Variants in PIK3R5 observed in about 807,000 individuals in gnomAD.
The protein encoded by PIK3R5 is phosphoinositide 3-kinase regulatory subunit 5.
A neutral mutation model predicts 94.9 loss-of-function variants in PIK3R5; 32 were observed. That is an observed-to-expected ratio of 0.34 (90% confidence interval 0.25 to 0.45). The LOEUF (loss-of-function observed/expected upper bound fraction) is 0.45, where lower values mean the gene tolerates loss of function less well. PIK3R5 is among the 20% of genes least tolerant of loss of function. The probability of loss-of-function intolerance (pLI) is 1.00; values close to 1 mark genes in which losing one functional copy is unlikely to be tolerated. For synonymous variants in PIK3R5, 443 were observed against 479.4 expected, an observed-to-expected ratio of 0.92 and a Z score of 0.99; for missense variants, 853 against 1,144.6, an observed-to-expected ratio of 0.75 and a Z score of 3.68.
At chr17:8,900,429 C>T (rs1300138320) in intron 5 of PIK3R5, among the ~76,000 whole-genome samples, 7 of 152,182 alleles carry the variant, frequency 4.6e-5, no homozygotes, top group Admixed American at 4.6e-4. Flanking sequence ...AAATGATTCC[C>T]CGAAACGAGG....
intron 2 of PIK3R5, among the ~76,000 whole-genome samples, chr17:8,910,149 ATG>A (rs1039360801): frequency 1.3e-5 from 2 of 152,232 alleles, no homozygotes; most frequent in Middle Eastern, 3.4e-3. Flanking sequence ...GGCTGTGTGT[ATG>A]TGTGTGTGGA....
intron 15 of PIK3R5, among the ~76,000 whole-genome samples, chr17:8,883,170 C>T (rs2089722074): frequency 6.6e-6 from 1 of 152,184 alleles, no homozygotes; most frequent in East Asian, 1.9e-4. Flanking sequence ...GAGTTCGAGA[C>T]CAGCCTGGCC....
rs868352823 is a variant in PIK3R5, at chr17:8,885,886, C to G, written c.2128+343G>C. On this transcript the variant is annotated intron_variant, in intron 14 of 18. Transcript: ENST00000447110. ...TCCGCCTCCCCATGGCCCTGCCTCC[C>G]GGTAACCCTGCCTCCCCAAGGCCCC... Among the ~76,000 whole-genome samples the G allele has an allele frequency of 1.1e-4, 11 of 104,554 alleles. 1 individual carries two copies. The highest frequency in any genetic ancestry group is 2.2e-4 in the African/African-American group (5 of 22,662). The allele number at this position is 104,554 out of a possible 152,430, so 68.6% of individuals were successfully genotyped here. A position where few individuals can be genotyped will look rare whatever the true frequency, so the allele number is the denominator to read the frequency against.
chr17:8,942,439 A>G (rs2091198792), intron 1 of PIK3R5, among the ~76,000 whole-genome samples: 1 of 151,248 alleles, frequency 6.6e-6, no homozygotes, highest in South Asian at 2.1e-4. Context: ...CACCTCACCC[A>G]TGCCACAACC....
rs528910446 is a variant in PIK3R5 at position 8,882,773 on chromosome 17, T to C, written c.2206-892A>G. ...GGAGTGACTCCAGGAGTCTGGCCTC[T>C]CCTTTCCTAACCCATCCATGGGCCC... is the stretch of plus-strand genomic sequence containing the variant. On this transcript the variant is annotated intron_variant, in intron 15 of 18. Coordinates refer to ENST00000447110, the MANE Select transcript of PIK3R5 (RefSeq NM_001142633.3). The surrounding 1 kb of genome is among the most constrained non-coding windows in gnomAD (Gnocchi z 4.1). 2.4e-4 allele frequency among the ~76,000 whole-genome samples: 37 copies of C among 152,060 alleles called. No individual in the cohort carries two copies. The highest frequency in any genetic ancestry group is 1.8e-3 in the Admixed American group (27 of 15,290).
chr17:8,897,929 A>G (rs980572205), intron 5 of PIK3R5, among the ~76,000 whole-genome samples: 5 of 151,386 alleles, frequency 3.3e-5, no homozygotes, highest in African/African-American at 7.3e-5. Context: ...GTGTGTGTGT[A>G]TGTGTGTGTG....
At chr17:8,915,441 C>A (rs1274222720) in intron 1 of PIK3R5, among the ~76,000 whole-genome samples, 1 of 151,322 alleles carries the variant, frequency 6.6e-6, no homozygotes, top group African/African-American at 2.4e-5. Context: ...AAAATCTAGA[C>A]TCTCAGTTGC....
intron 11 of PIK3R5, 69 bp downstream of exon 11, chr17:8,887,452 T>A: frequency 6.6e-7 from 1 of 1,507,516 alleles, no homozygotes; most frequent in Non-Finnish European, 9.0e-7. Flanking sequence ...TTCCATGACT[T>A]CCAATCGGCT....
intron 1 of PIK3R5, among the ~76,000 whole-genome samples, chr17:8,953,654 C>A (rs2091417715): frequency 6.6e-6 from 1 of 152,200 alleles, no homozygotes; most frequent in Admixed American, 6.5e-5. Context: ...TAAGAGTGAG[C>A]CCCATCTTTT....
chr17:8,957,458 A>G (rs1487899053), intron 1 of PIK3R5, among the ~76,000 whole-genome samples: 2 of 152,202 alleles, frequency 1.3e-5, no homozygotes, highest in African/African-American at 4.8e-5. Flanking sequence ...GACAGATACT[A>G]CTTCTCCTCT....
Position 8,890,588 on chromosome 17 carries a change from T to C in PIK3R5, c.657+150A>G, listed in dbSNP as rs365024. On this transcript the variant is annotated intron_variant, in intron 7 of 18. Coordinates refer to ENST00000447110, the MANE Select transcript of PIK3R5 (RefSeq NM_001142633.3). The surrounding 1 kb of genome is among the most constrained non-coding windows in gnomAD (Gnocchi z 6.1). ...TCCAGCACACCAGAAACACCCTCTATGAGGTCAGCCCTCCAGCCACCACCC... is the reference window on the plus strand; with the variant it reads ...TCCAGCACACCAGAAACACCCTCTACGAGGTCAGCCCTCCAGCCACCACCC... 0.42 allele frequency: 291,081 copies of C among 694,942 alleles called. 64,498 individuals carry two copies. The highest frequency in any genetic ancestry group is 0.66 in the African/African-American group (37,030 of 55,694). 43.0% of individuals were successfully genotyped at this position (694,942 alleles called of 1,614,324 possible).
intron 1 of PIK3R5, among the ~76,000 whole-genome samples, chr17:8,922,063 T>A (rs931317206): frequency 6.7e-6 from 1 of 148,966 alleles, no homozygotes; most frequent in African/African-American, 2.5e-5. Context: ...AACTCCTGTA[T>A]AACTCAACAA....
chr17:8,921,301 T>C (rs572643868), intron 1 of PIK3R5, among the ~76,000 whole-genome samples: 37 of 152,362 alleles, frequency 2.4e-4, no homozygotes, highest in African/African-American at 8.9e-4. Flanking sequence ...TTCCTACTTA[T>C]AAGTCCTTTA....
chr17:8,950,885 A>G (rs1567671723), intron 1 of PIK3R5, among the ~76,000 whole-genome samples: 2 of 152,198 alleles, frequency 1.3e-5, no homozygotes, highest in Non-Finnish European at 2.9e-5. Flanking sequence ...ACTGCTTTCT[A>G]TAGTGGTTGA....
chr17:8,883,582 T>A (rs914809691), intron 15 of PIK3R5, among the ~76,000 whole-genome samples: 8 of 152,200 alleles, frequency 5.3e-5, no homozygotes, highest in Non-Finnish European at 1.0e-4. Context: ...GTGAGAGCAC[T>A]CACCTCTCTT....
chr17:8,896,528 C>A lies in PIK3R5; in HGVS notation c.413-2873G>T, dbSNP rs532849660. On this transcript the variant is annotated intron_variant, in intron 5 of 18. Transcript: ENST00000447110. The surrounding 1 kb of genome is among the most constrained non-coding windows in gnomAD (Gnocchi z 4.0). ...ATTGAGAGAAGTCACCCCATACAGG[C>A]GAAGAACGGGGTGAGTGGGCAGAAC... 6.6e-6 allele frequency among the ~76,000 whole-genome samples: 1 copy of A among 152,192 alleles called. No individual in the cohort carries two copies. The highest frequency in any genetic ancestry group is 1.5e-5 in the Non-Finnish European group (1 of 68,042).
intron 1 of PIK3R5, among the ~76,000 whole-genome samples, chr17:8,930,550 C>A (rs1212948863): frequency 6.6e-6 from 1 of 152,164 alleles, no homozygotes; most frequent in East Asian, 1.9e-4. Flanking sequence ...AACTTATGTT[C>A]ATACGAAAAC....
In PIK3R5 at chr17:8,911,069, G is replaced by C. The variant is rs1480290989; in HGVS notation, c.103+323C>G. 2.0e-5 allele frequency among the ~76,000 whole-genome samples: 3 copies of C among 152,208 alleles called. No homozygotes were observed. Among genetic ancestry groups the C allele is most frequent in the Non-Finnish European group, 2.9e-5 (2 of 68,036 alleles). ...AGGAGAATTCTGGGGAGAGCTGCCTGTGAATTCCCAGCTGCTTTTTCAGAA... is the reference window on the plus strand; with the variant it reads ...AGGAGAATTCTGGGGAGAGCTGCCTCTGAATTCCCAGCTGCTTTTTCAGAA... On this transcript the variant is annotated intron_variant, in intron 2 of 18. Transcript: ENST00000447110. This position sits in a 1 kb window ranked among gnomAD's most constrained non-coding sequence, Gnocchi z 5.3.
Position 8,904,828 on chromosome 17 carries a change from T to C in PIK3R5, c.361A>G (p.Ser121Gly). ...RFLTWPVPYCSICQELLTFID... is the reference protein window; with the variant it reads ...RFLTWPVPYCGICQELLTFID... ...AAGGTGAGCAGCTCCTGGCAGATGC[T>C]GCAGTAAGGAACAGGCCAGGTCAGG... is the stretch of plus-strand genomic sequence containing the variant. The change falls in exon 5 of 19, where the codon AGC becomes GGC. Residue 121 changes from serine (S) to glycine (G), a missense_variant. By Grantham distance (56) the Ser-to-Gly change is moderately conservative. This residue lies in a region of PIK3R5 where 108 missense variants were observed against 170.1 expected (regional missense o/e 0.63). Transcript: ENST00000447110. This position sits in a 1 kb window ranked among gnomAD's most constrained non-coding sequence, Gnocchi z 5.1. The C allele has an allele frequency of 1.9e-6, 3 of 1,614,172 alleles. No homozygotes were observed. Among genetic ancestry groups the C allele is most frequent in the Non-Finnish European group, 1.7e-6 (2 of 1,180,034 alleles).
Sources: allele counts gnomAD v4.1 joint callset (sites outside exome capture counted in the v4.1 genomes callset), GRCh38; gene constraint gnomAD v4.1.1; regional missense constraint gnomAD v4.1.1; non-coding constraint Gnocchi (gnomAD v3.1); transcripts MANE v1.5; gene names NCBI Gene and HGNC (gene_info 2026-07-23, HGNC 2026-07-21).